AKAP13: variants seen among roughly 807,000 people sequenced by gnomAD.
The protein encoded by AKAP13 is A-kinase anchor protein 13.
AKAP13 carries 80 observed loss-of-function variants against 264.5 expected under a neutral mutation model. The ratio of observed to expected loss-of-function variants is 0.30; its 90% confidence interval spans 0.25 to 0.36. AKAP13 has a LOEUF of 0.36. AKAP13 is among the 10% of genes least tolerant of loss of function. AKAP13 has a pLI of 1.00. For missense variants in AKAP13, 3,712 were observed against 3,435.2 expected (o/e 1.08, Z -2.01); for synonymous variants, 1,380 against 1,250.2 (o/e 1.10, Z -2.19).
At chr15:85,709,004 A>T (rs2086476670) in intron 18 of AKAP13, among the ~76,000 whole-genome samples, 1 of 152,220 alleles carries the variant, frequency 6.6e-6, no homozygotes, top group Non-Finnish European at 1.5e-5. Context: ...TTTGAGAAGC[A>T]CTAAAACTAG....
chr15:85,471,402 G>A (rs1319692158), intron 1 of AKAP13, among the ~76,000 whole-genome samples: 2 of 152,144 alleles, frequency 1.3e-5, no homozygotes, highest in East Asian at 1.9e-4. Flanking sequence ...GGCTGAGGCA[G>A]GAGAATGGCA....
Position 85,559,368 on chromosome 15 carries a change from C to G in AKAP13, c.662+15413C>G, listed in dbSNP as rs10162616. ...AGTGGTCCCCAATTTTTTTTGGCAC[C>G]AGGGACTGGTTTTGTGGAAGACAGT... On this transcript the variant is annotated intron_variant, in intron 5 of 36. Coordinates refer to ENST00000394518, the MANE Select transcript of AKAP13 (RefSeq NM_007200.5). Among the ~76,000 whole-genome samples the G allele has an allele frequency of 9.8e-3, 1,481 of 151,734 alleles. 23 individuals are homozygous for G. The highest frequency in any genetic ancestry group is 0.034 in the African/African-American group (1,420 of 41,382).
chr15:85,518,709 G>A (rs936801047), intron 2 of AKAP13, among the ~76,000 whole-genome samples: 3 of 152,202 alleles, frequency 2.0e-5, no homozygotes, highest in East Asian at 3.9e-4. Context: ...CATGCCTGTT[G>A]TCCCAGCTAC....
chr15:85,440,451 A>G (rs2073587938), intron 1 of AKAP13, among the ~76,000 whole-genome samples: 1 of 152,080 alleles, frequency 6.6e-6, no homozygotes, highest in South Asian at 2.1e-4. Flanking sequence ...ATCTGGGAGG[A>G]TCTTGACTTT....
rs2086424670 is a variant in AKAP13 at position 85,708,235 on chromosome 15, T to C, written c.5532+149T>C. 11 of 675,912 alleles carry C rather than the reference T, an allele frequency of 1.6e-5. No individual in the cohort carries two copies. Among genetic ancestry groups the C allele is most frequent in the Non-Finnish European group, 2.4e-5 (10 of 420,430 alleles). The allele number at this position is 675,912 out of a possible 1,614,324, so 41.9% of individuals were successfully genotyped here. ...GAGAACAAATTATAACTAAAAAATA[T>C]TTTTTCTCTTAAGCGATCAATCTTC... On this transcript the variant is annotated intron_variant, in intron 18 of 36. Transcript: ENST00000394518. The surrounding 1 kb of genome is among the most constrained non-coding windows in gnomAD (Gnocchi z 4.3).
chr15:85,495,835 T>C (rs1359965868), intron 2 of AKAP13, among the ~76,000 whole-genome samples: 2 of 152,204 alleles, frequency 1.3e-5, no homozygotes, highest in African/African-American at 4.8e-5. Flanking sequence ...ATGTAACTGC[T>C]TCTGGGAGGA....
chr15:85,583,979 G>A (rs898600971), intron 7 of AKAP13, among the ~76,000 whole-genome samples: 1 of 152,112 alleles, frequency 6.6e-6, no homozygotes, highest in Admixed American at 6.6e-5. Context: ...TGTATTGATG[G>A]TCTCAGACTA....
chr15:85,582,497 T>G (rs8029034), intron 7 of AKAP13, among the ~76,000 whole-genome samples: 25,557 of 152,072 alleles, frequency 0.17, 2,441 homozygotes, highest in Non-Finnish European at 0.22. Flanking sequence ...CAAAAAGCTG[T>G]GTTTTATCTA....
At chr15:85,592,897 C>G (rs1244926944) in intron 8 of AKAP13, among the ~76,000 whole-genome samples, 1 of 152,098 alleles carries the variant, frequency 6.6e-6, no homozygotes, top group Non-Finnish European at 1.5e-5. Flanking sequence ...ATTTAATGAT[C>G]TAGTTGTACA....
At chr15:85,480,327 G>C (rs2075309970) in intron 1 of AKAP13, among the ~76,000 whole-genome samples, 1 of 152,172 alleles carries the variant, frequency 6.6e-6, no homozygotes, top group African/African-American at 2.4e-5. Flanking sequence ...TGTGGGGTTA[G>C]TCTCCATTGA....
intron 16 of AKAP13, among the ~76,000 whole-genome samples, chr15:85,690,841 G>C (rs2085242123): frequency 6.6e-6 from 1 of 152,204 alleles, no homozygotes; most frequent in South Asian, 2.1e-4. Context: ...AGCTTGAGCA[G>C]TTATTGGCGT....
At chr15:85,405,595 T>C (rs1386912661) in intron 1 of AKAP13, among the ~76,000 whole-genome samples, 1 of 152,234 alleles carries the variant, frequency 6.6e-6, no homozygotes, top group African/African-American at 2.4e-5. Context: ...ATTTTATCTC[T>C]GTGTTTTAGT....
chr15:85,612,881 TA>T (rs2080722756), intron 8 of AKAP13, among the ~76,000 whole-genome samples: 1 of 152,044 alleles, frequency 6.6e-6, no homozygotes, highest in Non-Finnish European at 1.5e-5. Context: ...ATATTCTTCT[TA>T]CCTTAATGCC....
At chr15:85,591,338 C>T (rs1048654588) in intron 8 of AKAP13, among the ~76,000 whole-genome samples, 15 of 152,150 alleles carry the variant, frequency 9.9e-5, no homozygotes, top group African/African-American at 3.6e-4. Context: ...CTGAATGATA[C>T]TTAATGCATG....
Position 85,718,038 on chromosome 15 carries a change from A to G in AKAP13, c.5880A>G (p.Leu1960=). 3 of 1,614,174 alleles carry G rather than the reference A, an allele frequency of 1.9e-6. No individual in the cohort carries two copies. Among genetic ancestry groups the G allele is most frequent in the Non-Finnish European group, 2.5e-6 (3 of 1,180,008 alleles). ...GTACAGACATGAATGAAGGACAACTACTGGGAGACTTTGAGATTGAGTCCA... is the reference window on the plus strand; with the variant it reads ...GTACAGACATGAATGAAGGACAACTGCTGGGAGACTTTGAGATTGAGTCCA... The part of the protein sequence containing the change: ...GVGTDMNEGQ[L]LGDFEIESKQ... Residue 1960 remains leucine (L), a synonymous_variant, in exon 22 of 37, where the codon CTA becomes CTG. Transcript: ENST00000394518. This position sits in a 1 kb window ranked among gnomAD's most constrained non-coding sequence, Gnocchi z 4.9.
chr15:85,547,329 TG>T (rs2077787180), intron 5 of AKAP13, among the ~76,000 whole-genome samples: 1 of 152,222 alleles, frequency 6.6e-6, no homozygotes, highest in South Asian at 2.1e-4. Flanking sequence ...AAGTGGGGTG[TG>T]GGGAGCCTTG....
At chr15:85,524,875 C>CTATGTGTG (rs369698691) in intron 3 of AKAP13, among the ~76,000 whole-genome samples, 1 of 147,230 alleles carries the variant, frequency 6.8e-6, no homozygotes, top group African/African-American at 2.5e-5. Context: ...CCCCATTCCC[C>CTATGTGTG]TGTGTGTGTG....
chr15:85,439,892 G>A (rs1288063605), intron 1 of AKAP13, among the ~76,000 whole-genome samples: 3 of 150,752 alleles, frequency 2.0e-5, no homozygotes, highest in Admixed American at 1.3e-4. Context: ...AGTGGGTGCA[G>A]CGCACGAGCA....
intron 33 of AKAP13, among the ~76,000 whole-genome samples, chr15:85,739,602 C>T (rs1431830426): frequency 1.3e-5 from 2 of 151,974 alleles, no homozygotes; most frequent in Non-Finnish European, 2.9e-5. Flanking sequence ...CTTCTGGTTT[C>T]TTCCATTACT....
Sources: gnomAD v4.1 joint callset for allele counts (sites outside exome capture counted in the v4.1 genomes callset) on GRCh38, gnomAD v4.1.1 for gene constraint, Gnocchi (gnomAD v3.1) non-coding constraint, MANE v1.5 for transcripts, NCBI Gene and HGNC (gene_info 2026-07-23, HGNC 2026-07-21) for gene names.